RBFOX1: variants seen among roughly 807,000 people sequenced by gnomAD.
The protein encoded by RBFOX1 is RNA binding protein fox-1 homolog 1.
In RBFOX1, 8 loss-of-function variants were observed where a neutral mutation model predicts 57.7. That is an observed-to-expected ratio of 0.14 (90% CI 0.08 to 0.25). RBFOX1 has a LOEUF of 0.25. Ranked by LOEUF, RBFOX1 falls within the 10% of genes least tolerant of loss-of-function variation. The pLI is 1.00. For missense variants in RBFOX1, 611 were observed against 548.5 expected (o/e 1.11, Z -1.14); for synonymous variants, 326 against 222.4 (o/e 1.47, Z -4.15).
chr16:7,003,641 C>G (rs1001858027), intron 3 of RBFOX1, among the ~76,000 whole-genome samples: 10 of 152,126 alleles, frequency 6.6e-5, no homozygotes, highest in African/African-American at 2.4e-4. Flanking sequence ...TAGCTATAAA[C>G]TCAAAGGTTG....
At chr16:7,069,882 C>A (rs908467107) in intron 4 of RBFOX1, among the ~76,000 whole-genome samples, 1 of 152,188 alleles carries the variant, frequency 6.6e-6, no homozygotes, top group Non-Finnish European at 1.5e-5. Flanking sequence ...AGAATTTGCG[C>A]TTGAATTTTA....
intron 11 of RBFOX1, among the ~76,000 whole-genome samples, chr16:7,640,583 A>G (rs897568660): frequency 3.3e-5 from 5 of 152,236 alleles, no homozygotes; most frequent in Non-Finnish European, 5.9e-5. Context: ...TGGGATTCCA[A>G]TGCATACACA....
intron 3 of RBFOX1, among the ~76,000 whole-genome samples, chr16:6,791,444 A>G (rs1295145418): frequency 6.6e-6 from 1 of 152,148 alleles, no homozygotes; most frequent in African/African-American, 2.4e-5. Context: ...AAAAAATTGT[A>G]AAGAACTTCA....
chr16:6,116,488 C>A (rs541865119), intron 1 of RBFOX1, among the ~76,000 whole-genome samples: 1 of 152,268 alleles, frequency 6.6e-6, no homozygotes, highest in Non-Finnish European at 1.5e-5. Flanking sequence ...TACTACCATG[C>A]ATTGCAGTGG....
intron 11 of RBFOX1, among the ~76,000 whole-genome samples, chr16:7,650,888 G>C (rs764076785): frequency 6.6e-6 from 1 of 152,108 alleles, no homozygotes; most frequent in Non-Finnish European, 1.5e-5. Flanking sequence ...TGAAGCAAGC[G>C]TCTCATCTCT....
At chr16:6,767,471 C>G (rs75945749) in intron 3 of RBFOX1, among the ~76,000 whole-genome samples, 4 of 152,144 alleles carry the variant, frequency 2.6e-5, no homozygotes, top group Admixed American at 1.3e-4. Context: ...CTTATGTGAA[C>G]GAATACATTT....
intron 3 of RBFOX1, among the ~76,000 whole-genome samples, chr16:6,667,995 C>G (rs1036635596): frequency 9.2e-5 from 14 of 152,198 alleles, no homozygotes; most frequent in Admixed American, 7.9e-4. Flanking sequence ...TCTTAGATTC[C>G]TAGTGAGATC....
At chr16:7,601,930 C>T (rs1446947367) in intron 9 of RBFOX1, among the ~76,000 whole-genome samples, 1 of 152,140 alleles carries the variant, frequency 6.6e-6, no homozygotes, top group Non-Finnish European at 1.5e-5. Context: ...CAGTGCGAAC[C>T]TCACTTCTTT....
intron 3 of RBFOX1, among the ~76,000 whole-genome samples, chr16:6,968,038 C>T (rs1384278276): frequency 2.0e-5 from 3 of 152,146 alleles, no homozygotes; most frequent in African/African-American, 4.8e-5. Flanking sequence ...CATGTGGGCT[C>T]ACAGTGCTGG....
chr16:6,892,656 C>T (rs1025778339), intron 3 of RBFOX1, among the ~76,000 whole-genome samples: 6 of 150,928 alleles, frequency 4.0e-5, no homozygotes, highest in South Asian at 4.2e-4. Context: ...GGCAACAGAG[C>T]AGGGCTGTCT....
intron 1 of RBFOX1, among the ~76,000 whole-genome samples, chr16:5,240,292 G>C (rs1198532412): frequency 6.6e-6 from 1 of 151,986 alleles, no homozygotes; most frequent in African/African-American, 2.4e-5. Context: ...CTTCTCGGCT[G>C]TGTGGCTTCG....
At chr16:7,298,052 G>A (rs79511742) in intron 4 of RBFOX1, among the ~76,000 whole-genome samples, 7,521 of 152,150 alleles carry the variant, frequency 0.049, 245 homozygotes, top group South Asian at 0.15. Flanking sequence ...GTGAAATTTT[G>A]TTATCTATAT....
chr16:6,740,662 G>A (rs2071780992), intron 3 of RBFOX1, among the ~76,000 whole-genome samples: 1 of 152,168 alleles, frequency 6.6e-6, no homozygotes, highest in African/African-American at 2.4e-5. Flanking sequence ...AAATATTTAG[G>A]TGTGCATCTA....
chr16:6,018,932 C>T (rs1340426502), upstream of RBFOX1, among the ~76,000 whole-genome samples: 3 of 152,036 alleles, frequency 2.0e-5, no homozygotes, highest in Admixed American at 2.0e-4. Flanking sequence ...GTGTCCGCCG[C>T]CGCCGCCCGC....
At chr16:7,334,207 A>C (rs915122544) in intron 4 of RBFOX1, among the ~76,000 whole-genome samples, 1 of 152,148 alleles carries the variant, frequency 6.6e-6, no homozygotes, top group Non-Finnish European at 1.5e-5. Context: ...TCCAAGTCAC[A>C]ACAAAACATT....
At chr16:7,411,894 A>C in intron 4 of RBFOX1, among the ~76,000 whole-genome samples, 1 of 122,516 alleles carries the variant, frequency 8.2e-6, no homozygotes, top group Non-Finnish European at 1.7e-5. Context: ...CAAGAGCAAA[A>C]CTCCTTTCAA....
At chr16:7,662,041 C>T (rs567863408) in intron 12 of RBFOX1, among the ~76,000 whole-genome samples, 2 of 152,092 alleles carry the variant, frequency 1.3e-5, no homozygotes, top group East Asian at 1.9e-4. Context: ...AAGAAGGGAT[C>T]AGTTTCTTGG....
intron 2 of RBFOX1, among the ~76,000 whole-genome samples, chr16:6,432,969 C>T (rs527643243): frequency 1.3e-5 from 2 of 152,292 alleles, no homozygotes; most frequent in African/African-American, 4.8e-5. Context: ...CAGAGTGAGA[C>T]TCCATCTCAA....
At chr16:7,123,405 C>T (rs1306222555) in intron 4 of RBFOX1, among the ~76,000 whole-genome samples, 3 of 152,134 alleles carry the variant, frequency 2.0e-5, no homozygotes, top group Non-Finnish European at 4.4e-5. Flanking sequence ...TCCTCTCTTG[C>T]CCAGGCTGGA....
Sources: gnomAD v4.1 joint callset for allele counts (sites outside exome capture counted in the v4.1 genomes callset) on GRCh38, gnomAD v4.1.1 for gene constraint, MANE v1.5 for transcripts, NCBI Gene and HGNC (gene_info 2026-07-23, HGNC 2026-07-21) for gene names.